The following SCN10A variants were observed in gnomAD, a reference collection of about 807,000 sequenced individuals.
SCN10A encodes sodium voltage-gated channel alpha subunit 10.
In SCN10A, 162 loss-of-function variants were observed where a neutral mutation model predicts 170.7. The ratio of observed to expected loss-of-function variants is 0.95; its 90% CI spans 0.84 to 1.08. SCN10A has a LOEUF of 1.08. Ranked by LOEUF, SCN10A falls within the 50% of genes least tolerant of loss-of-function variation. The pLI is 0.00. For missense variants in SCN10A, 2,527 were observed against 2,436.9 expected, an observed-to-expected ratio of 1.04 and a Z score of -0.78; for synonymous variants, 985 against 904.6, an observed-to-expected ratio of 1.09 and a Z score of -1.59.
At chr3:38,712,117 A>T in intron 23 of SCN10A, 44 bp downstream of exon 23, 2 of 1,594,126 alleles carry the variant, frequency 1.3e-6, no homozygotes, top group Non-Finnish European at 1.7e-6. Flanking sequence ...CATTTTATTG[A>T]GCGGCCAAAG....
Position 38,742,296 on chromosome 3 carries a change from T to C in SCN10A, c.2101A>G (p.Asn701Asp). 6.2e-7 allele frequency: 1 copy of C among 1,612,688 alleles called. No homozygotes were observed. ...PTFEAMLQIG[N>D]IVFTIFFTAE... ...GTACCAGCCAGAGCACTCACGATGT[T>C]GCCTATCTGGAGCATGGCTTCGAAG... Residue 701 changes from asparagine (N) to aspartate (D), a missense_variant, in exon 14 of 28, where the codon AAC becomes GAC. By Grantham distance (23) the Asn-to-Asp change is conservative. Transcript: ENST00000449082.
intron 15 of SCN10A, 108 bp from the exon 16 acceptor site, chr3:38,729,009 C>G (rs1559428379): frequency 4.2e-6 from 6 of 1,417,808 alleles, no homozygotes; most frequent in Non-Finnish European, 5.7e-6. Context: ...GCCTCTCATC[C>G]CATTAAACCA....
At chr3:38,713,781 C>G (rs370554884) in intron 22 of SCN10A, among the ~76,000 whole-genome samples, 177 bp downstream of exon 22, 2 of 152,114 alleles carry the variant, frequency 1.3e-5, no homozygotes, top group East Asian at 3.9e-4. Context: ...CACCACACCT[C>G]GTGGTGGTAG....
chr3:38,698,905 T>A (rs1011764461), intron 27 of SCN10A, among the ~76,000 whole-genome samples: 2 of 152,124 alleles, frequency 1.3e-5, no homozygotes, highest in African/African-American at 4.8e-5. Context: ...AGGCTCACAG[T>A]CTTTGGCCTG....
At chr3:38,769,699 A>T (rs1460522553) in intron 5 of SCN10A, among the ~76,000 whole-genome samples, 2 of 152,278 alleles carry the variant, frequency 1.3e-5, no homozygotes, top group Admixed American at 6.5e-5. Flanking sequence ...TATTTCAGAG[A>T]AAAGATCTGG....
chr3:38,809,666 T>C (rs2064427414), intron 1 of SCN10A, among the ~76,000 whole-genome samples: 1 of 152,180 alleles, frequency 6.6e-6, no homozygotes, highest in Non-Finnish European at 1.5e-5. Flanking sequence ...TCTTCTCTTC[T>C]GGATCTTAGT....
At chr3:38,722,493 T>A in intron 19 of SCN10A, 81 bp from the exon 20 acceptor site, 1 of 1,504,676 alleles carries the variant, frequency 6.6e-7, no homozygotes, top group Non-Finnish European at 9.0e-7. Context: ...GAGAAACCAT[T>A]CTGCTAGGAA....
intron 1 of SCN10A, among the ~76,000 whole-genome samples, chr3:38,795,819 A>G (rs1358265260): frequency 1.3e-5 from 2 of 152,180 alleles, no homozygotes; most frequent in Non-Finnish European, 2.9e-5. Context: ...CTCTGGATTA[A>G]GCAATTTTCA....
At chr3:38,798,932 G>A (rs1375951948) in intron 1 of SCN10A, among the ~76,000 whole-genome samples, 1 of 151,776 alleles carries the variant, frequency 6.6e-6, no homozygotes, top group East Asian at 1.9e-4. Context: ...GGAACTACAG[G>A]TATGTGCCAC....
At position 38,706,310 on chromosome 3, in the gene SCN10A, G is replaced by A. The variant is rs542243936; in HGVS notation, c.4386+969C>T. Among the ~76,000 whole-genome samples the A allele has an allele frequency of 2.2e-4, 34 of 152,318 alleles. 1 individual carries two copies. In the East Asian group the frequency reaches 4.8e-3, roughly 22 times the overall value. ...TGCATGTCTCCATAATTCATTTAGGGAAAGGCTTGTTCCTTTGTTAAATGT... is the reference window on the plus strand; with the variant it reads ...TGCATGTCTCCATAATTCATTTAGGAAAAGGCTTGTTCCTTTGTTAAATGT... On this transcript the variant is annotated intron_variant, in intron 26 of 27. Coordinates refer to ENST00000449082, the MANE Select transcript of SCN10A (RefSeq NM_006514.4).
intron 1 of SCN10A, among the ~76,000 whole-genome samples, chr3:38,815,102 A>G (rs2064464150): frequency 1.3e-5 from 2 of 152,098 alleles, no homozygotes; most frequent in Admixed American, 1.3e-4. Flanking sequence ...TGCTAGAGCT[A>G]TGGGGGAAAA....
At chr3:38,738,031 C>T (rs1385648766) in intron 15 of SCN10A, among the ~76,000 whole-genome samples, 2 of 151,690 alleles carry the variant, frequency 1.3e-5, no homozygotes, top group Non-Finnish European at 2.9e-5. Context: ...CCTCCACCTC[C>T]CTGGTCTCAG....
chr3:38,773,495 A>G (rs1233085233), intron 4 of SCN10A, among the ~76,000 whole-genome samples: 1 of 152,206 alleles, frequency 6.6e-6, no homozygotes. Context: ...TGATTCCCAT[A>G]GGAAAAAAAT....
intron 11 of SCN10A, among the ~76,000 whole-genome samples, chr3:38,753,543 T>C (rs1347859246): frequency 6.6e-6 from 1 of 152,208 alleles, no homozygotes; most frequent in Non-Finnish European, 1.5e-5. Context: ...CCTGATCCTG[T>C]TTAGCAACCA....
chr3:38,697,960 C>T lies in SCN10A; in HGVS notation c.5260G>A (p.Glu1754Lys). 4 of 1,614,148 alleles carry T rather than the reference C, an allele frequency of 2.5e-6. No individual in the cohort carries two copies. The highest frequency in any genetic ancestry group is 3.4e-6 in the Non-Finnish European group (4 of 1,180,040). ...FYETWEKFDPEATQFITFSAL... is the reference protein window; with the variant it reads ...FYETWEKFDPKATQFITFSAL... ...GAAAAGGTAATAAACTGAGTGGCCT[C>T]TGGGTCAAACTTCTCCCAGGTCTCA... The change falls in exon 28 of 28, where the codon GAG becomes AAG. Residue 1754 changes from glutamate (E) to lysine (K), a missense_variant. Transcript: ENST00000449082.
intron 5 of SCN10A, among the ~76,000 whole-genome samples, chr3:38,765,979 G>GT (rs112962289): frequency 0.31 from 44,332 of 145,086 alleles, 7,079 homozygotes; most frequent in East Asian, 0.61. Flanking sequence ...TTTTATTTTT[G>GT]TTTTTTTTTT....
intron 2 of SCN10A, among the ~76,000 whole-genome samples, chr3:38,793,403 C>T (rs1243289355): frequency 2.0e-5 from 3 of 152,086 alleles, no homozygotes; most frequent in Non-Finnish European, 4.4e-5. Flanking sequence ...CTCCCCCAAC[C>T]TCAAGATGTC....
intron 25 of SCN10A, 27 bp from the exon 26 acceptor site, chr3:38,707,410 A>G (rs1178530184): frequency 6.2e-7 from 1 of 1,611,372 alleles, no homozygotes; most frequent in African/African-American, 1.3e-5. Flanking sequence ...ACTGTTACTA[A>G]AGCAAGAGGA....
intron 7 of SCN10A, 56 bp from the exon 8 acceptor site, chr3:38,760,803 G>A (rs2063861617): frequency 5.7e-6 from 8 of 1,409,586 alleles, no homozygotes; most frequent in Non-Finnish European, 8.0e-6. Context: ...TCCAACCCAA[G>A]CCTTGTGTGG....
Sources: allele counts gnomAD v4.1 joint callset (sites outside exome capture counted in the v4.1 genomes callset), GRCh38; gene constraint gnomAD v4.1.1; transcripts MANE v1.5; gene names NCBI Gene and HGNC (gene_info 2026-07-23, HGNC 2026-07-21).